Variants in FIG4 observed in about 807,000 individuals in gnomAD.
FIG4 encodes polyphosphoinositide phosphatase.
A neutral mutation model predicts 118.6 loss-of-function variants in FIG4; 112 were observed. That is an observed-to-expected ratio of 0.94 (90% CI 0.81 to 1.11). FIG4 has a LOEUF of 1.11. FIG4 is among the 50% of genes least tolerant of loss of function. FIG4 has a pLI of 0.00. For synonymous variants in FIG4, 369 were observed against 381.2 expected (o/e 0.97, Z 0.37); for missense variants, 969 against 1,111.7 (o/e 0.87, Z 1.83).
At chr6:109,737,832 C>T (rs1263345604) in intron 6 of FIG4, among the ~76,000 whole-genome samples, 1 of 152,022 alleles carries the variant, frequency 6.6e-6, no homozygotes, top group East Asian at 1.9e-4. Context: ...CTTATTAATT[C>T]ATTTCGTCCT....
intron 15 of FIG4, among the ~76,000 whole-genome samples, chr6:109,776,495 T>G (rs2128394503): frequency 6.6e-6 from 1 of 152,250 alleles, no homozygotes; most frequent in Middle Eastern, 3.4e-3. Flanking sequence ...GGATAGAAAT[T>G]GGGTCATTTT....
At chr6:109,780,543 T>C (rs1160013327) in intron 16 of FIG4, among the ~76,000 whole-genome samples, 1 of 152,204 alleles carries the variant, frequency 6.6e-6, no homozygotes, top group Non-Finnish European at 1.5e-5. Context: ...TAACATTCCC[T>C]AGTTTTTAAC....
At chr6:109,740,977 C>T (rs1776305635) in intron 7 of FIG4, among the ~76,000 whole-genome samples, 1 of 152,068 alleles carries the variant, frequency 6.6e-6, no homozygotes, top group South Asian at 2.1e-4. Context: ...TGCAAACAAC[C>T]AGATCTTGTG....
chr6:109,730,301 G>A (rs961876377), intron 4 of FIG4, among the ~76,000 whole-genome samples: 2 of 152,020 alleles, frequency 1.3e-5, no homozygotes, highest in Admixed American at 1.3e-4. Flanking sequence ...CTCCCACCTC[G>A]GCCTCCCAAA....
chr6:109,750,103 G>C (rs920969574), intron 10 of FIG4, among the ~76,000 whole-genome samples: 13 of 152,180 alleles, frequency 8.5e-5, no homozygotes, highest in African/African-American at 3.1e-4. Flanking sequence ...ACCATATGAA[G>C]AAGTTAATAA....
chr6:109,814,341 T>C (rs1379214929), intron 22 of FIG4, among the ~76,000 whole-genome samples: 1 of 151,938 alleles, frequency 6.6e-6, no homozygotes, highest in Non-Finnish European at 1.5e-5. Context: ...GGAGTCTCAC[T>C]ATATTGCCCA....
chr6:109,745,939 G>A (rs539949829), intron 10 of FIG4, among the ~76,000 whole-genome samples: 1 of 152,210 alleles, frequency 6.6e-6, no homozygotes, highest in South Asian at 2.1e-4. Flanking sequence ...AGCCCATGTA[G>A]CCAAGACAAT....
chr6:109,758,934 A>G (rs1777011102), intron 10 of FIG4, among the ~76,000 whole-genome samples: 1 of 152,198 alleles, frequency 6.6e-6, no homozygotes, highest in African/African-American at 2.4e-5. Context: ...AATGGCGATT[A>G]TTTAAGTCAG....
intron 7 of FIG4, among the ~76,000 whole-genome samples, chr6:109,740,304 A>G (rs996139514): frequency 3.9e-5 from 6 of 152,184 alleles, no homozygotes; most frequent in African/African-American, 1.4e-4. Context: ...TGATCATTTT[A>G]AAGCTCGTAA....
At position 109,738,543 on chromosome 6, in the gene FIG4, A is replaced by G. The variant is rs566372077; in HGVS notation, c.775+90A>G. 468 of 1,253,356 alleles carry G rather than the reference A, an allele frequency of 3.7e-4. 8 individuals carry two copies. In the South Asian group the frequency reaches 4.2e-3, roughly 11 times the overall value. The allele number at this position is 1,253,356 out of a possible 1,614,324, so 77.6% of individuals were successfully genotyped here. On this transcript the variant is annotated intron_variant, in intron 7 of 22. Coordinates refer to ENST00000230124, the MANE Select transcript of FIG4 (RefSeq NM_014845.6). The stretch of plus-strand genomic sequence containing the variant: ...AGCTACATATGAATTATATGATTAT[A>G]ATACCACTCTGTGCACCCCAACAGG...
chr6:109,764,445 A>C (rs76823926), intron 13 of FIG4, among the ~76,000 whole-genome samples: 2 of 41,834 alleles, frequency 4.8e-5, no homozygotes, highest in African/African-American at 2.2e-4. Context: ...CTCAGAAAGA[A>C]AAAAAAAAAA....
chr6:109,754,253 T>C (rs1263994772), intron 10 of FIG4, among the ~76,000 whole-genome samples: 5 of 152,256 alleles, frequency 3.3e-5, no homozygotes, highest in African/African-American at 7.2e-5. Flanking sequence ...TATTGATTTG[T>C]GTATATTGAA....
At chr6:109,765,592 A>G (rs1009858547) in intron 14 of FIG4, among the ~76,000 whole-genome samples, 2 of 152,112 alleles carry the variant, frequency 1.3e-5, no homozygotes, top group Admixed American at 6.6e-5. Context: ...GCTTGTGTTA[A>G]TTATGAATAA....
Position 109,791,529 on chromosome 6 carries a change from C to T in FIG4, c.2334C>T (p.Pro778=), listed in dbSNP as rs1183428109. The T allele has an allele frequency of 6.8e-6, 11 of 1,613,844 alleles. No homozygotes were observed. The highest frequency in any genetic ancestry group is 1.1e-5 in the South Asian group (1 of 91,074). The change falls in exon 20 of 23, where the codon CCC becomes CCT. Residue 778 remains proline (P), a synonymous_variant. Coordinates refer to ENST00000230124, the MANE Select transcript of FIG4 (RefSeq NM_014845.6). ...EEGSVSQRST[P]VKMTDAGDSA... ...GCTCTGTGTCTCAGCGCTCCACTCC[C>T]GTGAAGATGACTGATGCAGGAGACA...
At chr6:109,731,952 A>G (rs1312212958) in intron 4 of FIG4, among the ~76,000 whole-genome samples, 1 of 152,228 alleles carries the variant, frequency 6.6e-6, no homozygotes, top group Non-Finnish European at 1.5e-5. Context: ...TTGCATACAT[A>G]TTTTAAATAT....
chr6:109,727,323 C>CAGGCTGGA, intron 4 of FIG4, 58 bp downstream of exon 4: 2 of 1,408,332 alleles, frequency 1.4e-6, no homozygotes, highest in Non-Finnish European at 2.0e-6. Context: ...CCCTGTTGCC[C>CAGGCTGGA]AGGCTGGAAG....
At chr6:109,741,390 C>A in intron 7 of FIG4, 54 bp from the exon 8 acceptor site, 1 of 1,093,936 alleles carries the variant, frequency 9.1e-7, no homozygotes, top group Non-Finnish European at 1.4e-6. Flanking sequence ...TAATGACTCT[C>A]TTGGTCTTAT....
intron 4 of FIG4, among the ~76,000 whole-genome samples, chr6:109,731,115 C>G (rs1775986848): frequency 6.6e-6 from 1 of 152,052 alleles, no homozygotes; most frequent in Admixed American, 6.6e-5. Flanking sequence ...TTGGGAAATG[C>G]AAATTAAAAA....
intron 1 of FIG4, among the ~76,000 whole-genome samples, chr6:109,714,133 G>A (rs1038983422): frequency 6.6e-6 from 1 of 152,140 alleles, no homozygotes; most frequent in Non-Finnish European, 1.5e-5. Context: ...CTGCCAACTC[G>A]AGTGTCTGTG....
Sources: allele counts gnomAD v4.1 joint callset (sites outside exome capture counted in the v4.1 genomes callset), GRCh38; gene constraint gnomAD v4.1.1; transcripts MANE v1.5; gene names NCBI Gene and HGNC (gene_info 2026-07-23, HGNC 2026-07-21).